The following WDR35 variants were observed in gnomAD, a reference collection of about 807,000 sequenced individuals.
The protein encoded by WDR35 is WD repeat-containing protein 35.
A neutral mutation model predicts 158.3 loss-of-function variants in WDR35; 118 were observed. The observed-to-expected ratio is 0.75, with a 90% CI of 0.64 to 0.87. The LOEUF (loss-of-function observed/expected upper bound fraction) is 0.87, where lower values mean the gene tolerates loss of function less well. WDR35 is among the 40% of genes least tolerant of loss of function. WDR35 has a pLI of 0.00. For missense variants in WDR35, 1,263 were observed against 1,405.8 expected, an observed-to-expected ratio of 0.90 and a Z score of 1.62; for synonymous variants, 448 against 476.1, an observed-to-expected ratio of 0.94 and a Z score of 0.77.
intron 25 of WDR35, among the ~76,000 whole-genome samples, chr2:19,919,066 C>T (rs1020494601): frequency 7.9e-5 from 12 of 152,102 alleles, no homozygotes; most frequent in African/African-American, 2.9e-4. Flanking sequence ...ACAGTGCAAT[C>T]AAATTAGAAC....
At chr2:19,971,134 G>A (rs886959240) in intron 8 of WDR35, among the ~76,000 whole-genome samples, 5 of 152,096 alleles carry the variant, frequency 3.3e-5, no homozygotes, top group Non-Finnish European at 5.9e-5. Flanking sequence ...TAAGGCAATC[G>A]AACATTTTTA....
At chr2:19,983,885 T>A (rs777773608) in intron 2 of WDR35, among the ~76,000 whole-genome samples, 2 of 152,072 alleles carry the variant, frequency 1.3e-5, no homozygotes, top group Non-Finnish European at 2.9e-5. Flanking sequence ...ACAGGGTTCT[T>A]TCATTCATTT....
At chr2:19,917,808 T>A (rs1278010880) in intron 25 of WDR35, among the ~76,000 whole-genome samples, 1 of 152,136 alleles carries the variant, frequency 6.6e-6, no homozygotes, top group Non-Finnish European at 1.5e-5. Flanking sequence ...GGAACCAAGT[T>A]GGAAAACACT....
chr2:19,942,576 G>A (rs1347600903), intron 16 of WDR35, among the ~76,000 whole-genome samples: 1 of 150,148 alleles, frequency 6.7e-6, no homozygotes, highest in African/African-American at 2.5e-5. Context: ...GCAAGACAGT[G>A]CAACAAAACA....
intron 24 of WDR35, 129 bp downstream of exon 24, chr2:19,931,140 T>C (rs1670511520): frequency 9.3e-7 from 1 of 1,073,440 alleles, no homozygotes; most frequent in South Asian, 1.6e-5. Context: ...TTTTTCTTCA[T>C]ATCATTTAAG....
At chr2:19,967,066 T>C (rs1216892619) in intron 9 of WDR35, among the ~76,000 whole-genome samples, 157 bp from the exon 10 acceptor site, 1 of 152,198 alleles carries the variant, frequency 6.6e-6, no homozygotes, top group African/African-American at 2.4e-5. Flanking sequence ...AGAAGACAGA[T>C]TCAACCTTTT....
intron 22 of WDR35, among the ~76,000 whole-genome samples, chr2:19,932,919 C>A (rs1327574045): frequency 6.6e-6 from 1 of 152,086 alleles, no homozygotes; most frequent in Admixed American, 6.5e-5. Context: ...TAACGCTGTA[C>A]TTTTAGTTTA....
At position 19,911,557 on chromosome 2, in the gene WDR35, T is replaced by C. The variant is rs1558316263; in HGVS notation, c.*2001A>G. ...CTTTGTTAGGATGTGATTTTCTGAT[T>C]TGGGGAAATTTCCCATTCTGGTATA... On this transcript the variant is annotated 3_prime_UTR_variant, in exon 27 of 27. Coordinates refer to ENST00000281405, the MANE Select transcript of WDR35 (RefSeq NM_020779.4). 4 of 152,202 alleles carry C rather than the reference T, an allele frequency of 2.6e-5. No homozygotes were observed. The highest frequency in any genetic ancestry group is 1.3e-4 in the Admixed American group (2 of 15,278). The allele number at this position is 152,202 out of a possible 1,614,324, so 9.4% of individuals were successfully genotyped here.
Position 19,930,566 on chromosome 2 carries a change from C to A in WDR35, c.2965-14G>T. 6.2e-7 allele frequency: 1 copy of A among 1,613,814 alleles called. No homozygotes were observed. Among genetic ancestry groups the A allele is most frequent in the South Asian group, 1.1e-5 (1 of 91,054 alleles). On this transcript the variant is annotated splice_polypyrimidine_tract_variant and intron_variant, in intron 24 of 26. Coordinates refer to ENST00000281405, the MANE Select transcript of WDR35 (RefSeq NM_020779.4). Reference sequence around the variant, plus strand: ...GGCAGAAGTGGCCTACGAGTAAAGTCAGCCCACACTTTCCGTCAGCACAAA... The same window carrying A: ...GGCAGAAGTGGCCTACGAGTAAAGTAAGCCCACACTTTCCGTCAGCACAAA...
In WDR35 at chr2:19,966,897, A is replaced by G. The variant is rs780158432; in HGVS notation, c.1021T>C (p.Ser341Pro). The G allele has an allele frequency of 3.1e-6, 5 of 1,613,848 alleles. No individual in the cohort carries two copies. The highest frequency in any genetic ancestry group is 4.2e-6 in the Non-Finnish European group (5 of 1,179,868). The change falls in exon 10 of 27, where the codon TCA becomes CCA. Residue 341 changes from serine (S) to proline (P), a missense_variant. Coordinates refer to ENST00000281405, the MANE Select transcript of WDR35 (RefSeq NM_020779.4). ...IRPNYKWGYCSNTVVYAYTRP... is the reference protein window; with the variant it reads ...IRPNYKWGYCPNTVVYAYTRP... ...GTATATGCATAAACTACAGTGTTTG[A>G]GCAATAACCCCACTAGGAAGAAAGG...
intron 11 of WDR35, among the ~76,000 whole-genome samples, chr2:19,959,597 C>T (rs1248352493): frequency 1.3e-5 from 2 of 151,848 alleles, no homozygotes; most frequent in Non-Finnish European, 2.9e-5. Context: ...GACCCTAAGC[C>T]ATAGAGTATA....
At chr2:19,958,471 T>C (rs1671521124) in intron 11 of WDR35, among the ~76,000 whole-genome samples, 1 of 152,214 alleles carries the variant, frequency 6.6e-6, no homozygotes. Flanking sequence ...GTTTTAATTA[T>C]TTGTTCAGAA....
chr2:19,932,322 T>C lies in WDR35; in HGVS notation c.2784A>G (p.Lys928=). 2 of 1,613,358 alleles carry C rather than the reference T, an allele frequency of 1.2e-6. No homozygotes were observed. The highest frequency in any genetic ancestry group is 1.7e-6 in the Non-Finnish European group (2 of 1,179,550). ...TAGCTGCATCAAAAAAGTAATTGGC[T>C]TTCCGATAGAGTTCTATGGCATCAA... ...KTLDAIELYR[K]ANYFFDAAKL... Residue 928 remains lysine, a synonymous_variant, in exon 23 of 27, where the codon AAA becomes AAG. Transcript: ENST00000281405.
At chr2:19,928,724 G>A (rs1670435637) in intron 25 of WDR35, among the ~76,000 whole-genome samples, 1 of 152,000 alleles carries the variant, frequency 6.6e-6, no homozygotes, top group African/African-American at 2.4e-5. Context: ...CTTATTGAGG[G>A]CTCACAATGT....
chr2:19,936,766 G>C (rs1185060690), intron 19 of WDR35, among the ~76,000 whole-genome samples: 2 of 152,114 alleles, frequency 1.3e-5, no homozygotes, highest in Non-Finnish European at 2.9e-5. Context: ...GTGAGACAGG[G>C]CCCTCAACAG....
Position 19,937,764 on chromosome 2 carries a change from G to A in WDR35, c.2246C>T (p.Thr749Met), listed in dbSNP as rs370095285. Residue 749 changes from threonine (T) to methionine (M), a missense_variant, in exon 19 of 27, where the codon ACG becomes ATG. Thr to Met is a moderately conservative substitution (Grantham distance 81). Transcript: ENST00000281405. ...YFGRFEEAER[T>M]YLEMDRRDLA... ...TTACCTTCTGTCCATCTCGAGATAC[G>A]TTCTTTCAGCCTCTTCAAACCTGCC... is the stretch of plus-strand genomic sequence containing the variant. The A allele has an allele frequency of 1.1e-5, 18 of 1,614,116 alleles. No individual in the cohort carries two copies. Among genetic ancestry groups the A allele is most frequent in the African/African-American group, 9.3e-5 (7 of 75,030 alleles).
chr2:19,942,169 C>T (rs547808624), intron 16 of WDR35, among the ~76,000 whole-genome samples: 3 of 152,252 alleles, frequency 2.0e-5, no homozygotes, highest in Non-Finnish European at 4.4e-5. Flanking sequence ...AATGTTAATT[C>T]CCTAATAGCA....
At chr2:19,920,258 T>C (rs1670128929) in intron 25 of WDR35, among the ~76,000 whole-genome samples, 1 of 152,216 alleles carries the variant, frequency 6.6e-6, no homozygotes, top group South Asian at 2.1e-4. Flanking sequence ...GATACCAAAA[T>C]GTGGCAGAGA....
intron 25 of WDR35, among the ~76,000 whole-genome samples, chr2:19,926,612 G>A (rs1448541018): frequency 6.6e-6 from 1 of 152,226 alleles, no homozygotes; most frequent in Non-Finnish European, 1.5e-5. Flanking sequence ...ATACACAATT[G>A]AATCTAGCAT....
Sources: gnomAD v4.1 joint callset for allele counts (sites outside exome capture counted in the v4.1 genomes callset) on GRCh38, gnomAD v4.1.1 for gene constraint, MANE v1.5 for transcripts, NCBI Gene and HGNC (gene_info 2026-07-23, HGNC 2026-07-21) for gene names.